NPSR1: variants seen among roughly 807,000 people sequenced by gnomAD.
NPSR1 encodes neuropeptide S receptor.
In NPSR1, 48 loss-of-function variants were observed where a neutral mutation model predicts 46.9. The ratio of observed to expected loss-of-function variants is 1.02; its 90% confidence interval spans 0.81 to 1.30. NPSR1 has a LOEUF of 1.30. Among genes scored for constraint, NPSR1 ranks in the 50% most tolerant of loss-of-function variants. The pLI is 0.00. For missense variants in NPSR1, 450 were observed against 449.5 expected (o/e 1.00, Z -0.01); for synonymous variants, 176 against 168.1 (o/e 1.05, Z -0.36).
chr7:34,754,722 C>T (rs1785732806), intron 2 of NPSR1, among the ~76,000 whole-genome samples: 1 of 152,076 alleles, frequency 6.6e-6, no homozygotes, highest in African/African-American at 2.4e-5. Flanking sequence ...TAACCATCAC[C>T]AAAGTCAATT....
At chr7:34,672,636 C>T (rs1159425882) in intron 1 of NPSR1, among the ~76,000 whole-genome samples, 1 of 152,184 alleles carries the variant, frequency 6.6e-6, no homozygotes, top group East Asian at 1.9e-4. Flanking sequence ...TGCAGTTATT[C>T]AACATGTCCT....
At chr7:34,749,816 G>C (rs1400145863) in intron 2 of NPSR1, among the ~76,000 whole-genome samples, 1 of 152,318 alleles carries the variant, frequency 6.6e-6, no homozygotes, top group East Asian at 1.9e-4. Flanking sequence ...ATGGGGATCT[G>C]TTGAATGTTT....
chr7:34,705,759 T>C (rs955711847), intron 2 of NPSR1, among the ~76,000 whole-genome samples: 1 of 151,894 alleles, frequency 6.6e-6, no homozygotes, highest in Non-Finnish European at 1.5e-5. Flanking sequence ...TTAAATAATA[T>C]CACATTTTTG....
chr7:34,705,636 A>G (rs1480850441), intron 2 of NPSR1, among the ~76,000 whole-genome samples: 3 of 152,052 alleles, frequency 2.0e-5, no homozygotes, highest in Non-Finnish European at 4.4e-5. Flanking sequence ...ATACACACAC[A>G]TAAGTCTTTT....
chr7:34,811,841 C>G lies in NPSR1; in HGVS notation c.456C>G (p.Tyr152Ter). 6.2e-7 allele frequency: 1 copy of G among 1,613,390 alleles called. No homozygotes were observed. Among genetic ancestry groups the G allele is most frequent in the Non-Finnish European group, 8.5e-7 (1 of 1,179,564 alleles). Residue 152 changes from tyrosine to a stop codon, truncating the protein, a stop_gained, in exon 4 of 9, where the codon TAC becomes TAG. Coordinates refer to ENST00000360581, the MANE Select transcript of NPSR1 (RefSeq NM_207172.2). LOFTEE classifies it high-confidence loss of function. ...LSIDRYHAIVYPMKFLQGEKQ... is the reference protein window; with the variant it reads ...LSIDRYHAIV ...TAGACAGATACCATGCCATCGTCTA[C>G]CCCATGAAGTTCCTTCAAGGAGGTG...
chr7:34,689,768 C>T (rs899597962), intron 2 of NPSR1, among the ~76,000 whole-genome samples: 2 of 151,238 alleles, frequency 1.3e-5, no homozygotes, highest in African/African-American at 4.9e-5. Flanking sequence ...CATAGTGAGA[C>T]CCCCATCTCT....
At chr7:34,789,875 A>C (rs964850162) in intron 3 of NPSR1, among the ~76,000 whole-genome samples, 1 of 152,090 alleles carries the variant, frequency 6.6e-6, no homozygotes, top group Non-Finnish European at 1.5e-5. Flanking sequence ...AGATTTAATC[A>C]GTAATAAAAT....
At chr7:34,807,383 A>G (rs1788752948) in intron 3 of NPSR1, among the ~76,000 whole-genome samples, 1 of 152,056 alleles carries the variant, frequency 6.6e-6, no homozygotes. Flanking sequence ...ATTCTTCTGT[A>G]AAACTTTGAA....
rs1190090660 is a variant in NPSR1 at position 34,684,590 on chromosome 7, T to C, written c.186T>C (p.Phe62=). ...TAACTCTGTGGGTCCTCTTTGTTTT[T>C]ACCATTGTTGGAAACTCCGTTGTGC... The part of the protein sequence containing the change: ...QLITLWVLFV[F]TIVGNSVVLF... Residue 62 remains phenylalanine, a synonymous_variant, in exon 2 of 9, where the codon TTT becomes TTC. Coordinates refer to ENST00000360581, the MANE Select transcript of NPSR1 (RefSeq NM_207172.2). The C allele has an allele frequency of 1.2e-6, 2 of 1,613,780 alleles. No homozygotes were observed. The highest frequency in any genetic ancestry group is 1.3e-5 in the African/African-American group (1 of 74,912).
chr7:34,757,576 G>A (rs1785930868), intron 2 of NPSR1, among the ~76,000 whole-genome samples: 1 of 152,138 alleles, frequency 6.6e-6, no homozygotes, highest in Non-Finnish European at 1.5e-5. Context: ...GCCTTCCCAA[G>A]GAATAAATCC....
chr7:34,781,300 G>T (rs79793983), intron 3 of NPSR1, among the ~76,000 whole-genome samples: 3,191 of 152,246 alleles, frequency 0.021, 48 homozygotes, highest in Non-Finnish European at 0.035. Context: ...CAAGATCATG[G>T]AGTAGGAGAT....
chr7:34,698,061 A>C (rs1164611232), intron 2 of NPSR1, among the ~76,000 whole-genome samples: 4 of 152,180 alleles, frequency 2.6e-5, no homozygotes, highest in Non-Finnish European at 4.4e-5. Context: ...GAAACAAAAC[A>C]AAACACAAAG....
intron 1 of NPSR1, among the ~76,000 whole-genome samples, chr7:34,666,436 TA>T (rs1791754282): frequency 6.6e-6 from 1 of 152,182 alleles, no homozygotes; most frequent in South Asian, 2.1e-4. Flanking sequence ...AGATTTCTAA[TA>T]AAGATTTTTC....
chr7:34,744,485 G>A (rs1785108370), intron 2 of NPSR1, among the ~76,000 whole-genome samples: 1 of 152,148 alleles, frequency 6.6e-6, no homozygotes, highest in Non-Finnish European at 1.5e-5. Flanking sequence ...CAATTTTGCT[G>A]GGTGACTTTC....
intron 2 of NPSR1, chr7:34,719,846 A>G (rs1435129038): frequency 6.6e-6 from 1 of 152,156 alleles, no homozygotes; most frequent in Non-Finnish European, 1.5e-5. Flanking sequence ...TTATTATGGA[A>G]AACCACCAGT....
chr7:34,742,171 CTT>C (rs61342932), intron 2 of NPSR1, among the ~76,000 whole-genome samples: 5 of 145,808 alleles, frequency 3.4e-5, no homozygotes, highest in African/African-American at 2.5e-5. Flanking sequence ...AATCTCTCTC[CTT>C]TTTTTTTTTT....
rs325452 is a variant in NPSR1, at chr7:34,792,689, G to A, written c.384+14124G>A. On this transcript the variant is annotated intron_variant, in intron 3 of 8. Transcript: ENST00000360581. ...TTTATATATATGTATATATATATAT[G>A]TATATATATACGTATATATATATAT... is the stretch of plus-strand genomic sequence containing the variant. Among the ~76,000 whole-genome samples the A allele has an allele frequency of 1.9e-3, 141 of 74,170 alleles. 2 individuals carry two copies. Among genetic ancestry groups the A allele is most frequent in the African/African-American group, 5.3e-3 (106 of 20,162 alleles). The allele number at this position is 74,170 out of a possible 152,430, so 48.7% of individuals were successfully genotyped here.
chr7:34,712,970 C>A (rs565087913), intron 2 of NPSR1, among the ~76,000 whole-genome samples: 1 of 152,278 alleles, frequency 6.6e-6, no homozygotes, highest in Admixed American at 6.5e-5. Context: ...TCATTAAAAT[C>A]TAAATGGGGG....
chr7:34,764,344 T>C (rs556239511), intron 2 of NPSR1, among the ~76,000 whole-genome samples: 2 of 152,208 alleles, frequency 1.3e-5, no homozygotes, highest in Non-Finnish European at 2.9e-5. Flanking sequence ...AAAGTCACAG[T>C]AGGACATTTG....
Sources: gnomAD v4.1 joint callset for allele counts (sites outside exome capture counted in the v4.1 genomes callset) on GRCh38, gnomAD v4.1.1 for gene constraint, MANE v1.5 for transcripts, NCBI Gene and HGNC (gene_info 2026-07-23, HGNC 2026-07-21) for gene names.